Variants in ZSWIM4 observed in about 807,000 individuals in gnomAD.
The protein encoded by ZSWIM4 is zinc finger SWIM domain-containing protein 4.
ZSWIM4 carries 62 observed loss-of-function variants against 102.5 expected under a neutral mutation model. The ratio of observed to expected loss-of-function variants is 0.60; its 90% CI spans 0.49 to 0.75. The LOEUF (loss-of-function observed/expected upper bound fraction) is 0.75. ZSWIM4 is among the 30% of genes least tolerant of loss of function. The pLI is 0.00. For synonymous variants in ZSWIM4, 652 were observed against 674.5 expected (o/e 0.97, Z 0.52); for missense variants, 1,280 against 1,529.6 (o/e 0.84, Z 2.72).
At chr19:13,830,118 G>A (rs1975716176) in intron 13 of ZSWIM4, 73 bp from the exon 14 acceptor site, 2 of 1,543,354 alleles carry the variant, frequency 1.3e-6, no homozygotes, top group Non-Finnish European at 1.7e-6. Flanking sequence ...GCAGTGTCAT[G>A]GTTAACCCAC....
chr19:13,830,912 A>G lies in ZSWIM4; in HGVS notation c.3183A>G (p.Glu1061=), dbSNP rs1181168720. The stretch of plus-strand genomic sequence containing the variant: ...CGCGGCACTATGGGGATTTCATCGA[A>G]TTCCTGGGCAAGGCCCGGGAGACCT... The part of the protein sequence containing the change: ...ISPRHYGDFI[E]FLGKARETFL... Residue 1061 remains glutamate (E), a synonymous_variant, in exon 14 of 14, where the codon GAA becomes GAG. Transcript: ENST00000590508. 1.9e-6 allele frequency: 3 copies of G among 1,614,072 alleles called. No homozygotes were observed. Among genetic ancestry groups the G allele is most frequent in the Non-Finnish European group, 2.5e-6 (3 of 1,180,040 alleles).
Position 13,804,873 on chromosome 19 carries a change from A to G in ZSWIM4, c.437A>G (p.Asp146Gly), listed in dbSNP as rs937418095. 6.2e-7 allele frequency: 1 copy of G among 1,613,438 alleles called. No individual in the cohort carries two copies. The highest frequency in any genetic ancestry group is 1.3e-5 in the African/African-American group (1 of 74,892). Residue 146 changes from aspartate (D) to glycine (G), a missense_variant, in exon 3 of 14, where the codon GAT becomes GGT. Coordinates refer to ENST00000590508, the MANE Select transcript of ZSWIM4 (RefSeq NM_001367834.3). The part of the protein sequence containing the change: ...ERLYHVSISF[D>G]RCKITSVSCG... ...CTCTACCATGTCTCCATCAGCTTTG[A>G]TCGCTGCAAGATCACGTCCGTGAGC...
At chr19:13,812,514 C>T (rs1408155321) in intron 5 of ZSWIM4, among the ~76,000 whole-genome samples, 1 of 146,820 alleles carries the variant, frequency 6.8e-6, no homozygotes, top group Admixed American at 7.0e-5. Context: ...GGCTGGAGTG[C>T]AGTGGTGTGA....
intron 2 of ZSWIM4, among the ~76,000 whole-genome samples, chr19:13,804,469 CAAATAAAT>C (rs538890080): frequency 1.3e-5 from 2 of 149,978 alleles, no homozygotes; most frequent in African/African-American, 2.5e-5. Context: ...AGCTCTGTCC[CAAATAAAT>C]AAATAAATAA....
chr19:13,805,148 G>A lies in ZSWIM4; in HGVS notation c.712G>A (p.Gly238Ser). The change falls in exon 3 of 14, where the codon GGT becomes AGT. Residue 238 changes from glycine to serine, a missense_variant and splice_region_variant. Coordinates refer to ENST00000590508, the MANE Select transcript of ZSWIM4 (RefSeq NM_001367834.3). ...LLGSEINLVN[G>S]APDPTAGAGI... ...GGGCTCCGAGATCAACTTGGTGAAT[G>A]GTAAGGGCACCCCGGGGGTCCGGTG... 1 of 1,595,920 alleles carries A rather than the reference G, an allele frequency of 6.3e-7. No individual in the cohort carries two copies. Among genetic ancestry groups the A allele is most frequent in the Non-Finnish European group, 8.5e-7 (1 of 1,177,404 alleles).
chr19:13,813,920 C>CAAAAAA (rs34407290), intron 6 of ZSWIM4, among the ~76,000 whole-genome samples: 1 of 100,526 alleles, frequency 9.9e-6, no homozygotes. Context: ...GACCCTGTCT[C>CAAAAAA]AAAAAAAAAA....
At chr19:13,818,100 G>C in intron 9 of ZSWIM4, 124 bp downstream of exon 9, 1 of 1,390,236 alleles carries the variant, frequency 7.2e-7, no homozygotes. Flanking sequence ...CCCGCCTCCT[G>C]GTGATACTGT....
chr19:13,816,339 C>T (rs1396219261), intron 7 of ZSWIM4, among the ~76,000 whole-genome samples: 1 of 152,026 alleles, frequency 6.6e-6, no homozygotes, highest in Non-Finnish European at 1.5e-5. Context: ...TAAGGATGTG[C>T]ATGGCCAGGC....
At chr19:13,819,847 G>GTT (rs869187893) in intron 10 of ZSWIM4, among the ~76,000 whole-genome samples, 3 of 106,674 alleles carry the variant, frequency 2.8e-5, no homozygotes, top group Non-Finnish European at 4.0e-5. Context: ...TTTGTTTTTT[G>GTT]TTTTTTTTTT....
chr19:13,811,208 G>A (rs556098624), intron 5 of ZSWIM4, among the ~76,000 whole-genome samples: 1 of 150,160 alleles, frequency 6.7e-6, no homozygotes, highest in Non-Finnish European at 1.5e-5. Flanking sequence ...CCACCGCACC[G>A]GCCAACATGT....
intron 5 of ZSWIM4, among the ~76,000 whole-genome samples, chr19:13,811,563 C>T (rs560496283): frequency 6.6e-6 from 1 of 152,154 alleles, no homozygotes; most frequent in South Asian, 2.1e-4. Flanking sequence ...GGCACAGTGG[C>T]AGGAGCCTGT....
Position 13,809,064 on chromosome 19 carries a change from G to A in ZSWIM4, c.862-6G>A. 6 of 1,611,510 alleles carry A rather than the reference G, an allele frequency of 3.7e-6. No individual in the cohort carries two copies. Among genetic ancestry groups the A allele is most frequent in the Non-Finnish European group, 4.2e-6 (5 of 1,178,232 alleles). On this transcript the variant is annotated splice_polypyrimidine_tract_variant and splice_region_variant and intron_variant, in intron 4 of 13. Transcript: ENST00000590508. This position sits in a 1 kb window ranked among gnomAD's most constrained non-coding sequence, Gnocchi z 4.2. ...GCCCTTCCTCACCACCCTGTCCCCG[G>A]CACAGGTGCGGGAGATGCTGCGAAT...
rs753409320 is a variant in ZSWIM4, at chr19:13,813,184, A to G, written c.1180+20A>G. 3.8e-6 allele frequency: 6 copies of G among 1,587,808 alleles called. No homozygotes were observed. The highest frequency in any genetic ancestry group is 4.3e-6 in the Non-Finnish European group (5 of 1,162,312). ...CCCCAGGTAGGAGAGAGGGGTCTTT[A>G]CCATGCCCCCCAAAAACCATCACCA... is the stretch of plus-strand genomic sequence containing the variant. On this transcript the variant is annotated intron_variant, in intron 6 of 13. Transcript: ENST00000590508.
At chr19:13,817,671 A>C (rs773237921) in intron 8 of ZSWIM4, 51 bp from the exon 9 acceptor site, 2 of 1,592,738 alleles carry the variant, frequency 1.3e-6, no homozygotes, top group South Asian at 2.3e-5. Context: ...GGCTACAGGG[A>C]CCTTAGGGAA....
intron 1 of ZSWIM4, among the ~76,000 whole-genome samples, chr19:13,798,482 C>T (rs555262882): frequency 6.6e-6 from 1 of 151,996 alleles, no homozygotes; most frequent in East Asian, 1.9e-4. Context: ...TAACTTCTTC[C>T]TGCTCCACCA....
intron 10 of ZSWIM4, 97 bp from the exon 11 acceptor site, chr19:13,823,249 T>G: frequency 7.5e-7 from 1 of 1,339,768 alleles, no homozygotes. Flanking sequence ...CTCTGCTGGC[T>G]GAAGTGGGGA....
At position 13,813,025 on chromosome 19, in the gene ZSWIM4, C is replaced by A; in HGVS notation, c.1041C>A (p.Ser347Arg). The part of the protein sequence containing the change: ...LGALWVCVVL[S>R]PHCKPEERAG... ...CCCTGTGGGTTTGCGTCGTCCTGAGCCCCCACTGCAAACCAGAGGAAAGGG... is the reference window on the plus strand; with the variant it reads ...CCCTGTGGGTTTGCGTCGTCCTGAGACCCCACTGCAAACCAGAGGAAAGGG... The change falls in exon 6 of 14, where the codon AGC (serine) becomes AGA (arginine). Residue 347 changes from serine to arginine, a missense_variant. Physicochemically the swap from Ser to Arg is moderately radical, Grantham distance 110. Transcript: ENST00000590508. The A allele has an allele frequency of 1.2e-6, 2 of 1,613,240 alleles. No homozygotes were observed. Among genetic ancestry groups the A allele is most frequent in the Non-Finnish European group, 1.7e-6 (2 of 1,179,568 alleles).
chr19:13,819,813 A>C (rs991380383), intron 10 of ZSWIM4, among the ~76,000 whole-genome samples: 1 of 146,066 alleles, frequency 6.8e-6, no homozygotes, highest in Middle Eastern at 3.3e-3. Flanking sequence ...GATTACAGGC[A>C]TGCACCACCA....
chr19:13,812,295 T>C (rs1336557997), intron 5 of ZSWIM4, among the ~76,000 whole-genome samples: 1 of 151,750 alleles, frequency 6.6e-6, no homozygotes, highest in Non-Finnish European at 1.5e-5. Context: ...GTTTTTGTTT[T>C]TGTTTTGTTT....
Sources: gnomAD v4.1 joint callset for allele counts (sites outside exome capture counted in the v4.1 genomes callset) on GRCh38, gnomAD v4.1.1 for gene constraint, Gnocchi (gnomAD v3.1) non-coding constraint, MANE v1.5 for transcripts, NCBI Gene and HGNC (gene_info 2026-07-23, HGNC 2026-07-21) for gene names.